The following EEFSEC variants were observed in gnomAD, a reference collection of about 807,000 sequenced individuals.
The protein encoded by EEFSEC is eukaryotic elongation factor, selenocysteine-tRNA specific.
EEFSEC carries 43 observed loss-of-function variants against 42.1 expected under a neutral mutation model. The observed-to-expected ratio is 1.02, with a 90% confidence interval of 0.80 to 1.32. The LOEUF is 1.32. EEFSEC is among the 40% of genes most tolerant of loss of function. The probability of loss-of-function intolerance (pLI) is 0.00; values close to 1 mark genes in which losing one functional copy is unlikely to be tolerated. For synonymous variants in EEFSEC, 354 were observed against 339.1 expected (o/e 1.04, Z -0.48); for missense variants, 745 against 803.6 (o/e 0.93, Z 0.88).
rs114219605 is a variant in EEFSEC at position 128,314,412 on chromosome 3, C to G, written c.787-26821C>G. Among the ~76,000 whole-genome samples the G allele has an allele frequency of 6.6e-3, 998 of 152,282 alleles. 14 individuals are homozygous for G. Among genetic ancestry groups the G allele is most frequent in the African/African-American group, 0.023 (949 of 41,550 alleles). ...AGGCTGGAGTGCCATGGTGGAATCT[C>G]TGCTCACTGCAACCTCCGCCTCCCA... is the stretch of plus-strand genomic sequence containing the variant. On this transcript the variant is annotated intron_variant, in intron 4 of 6. Coordinates refer to ENST00000254730, the MANE Select transcript of EEFSEC (RefSeq NM_021937.5).
chr3:128,421,623 C>T, the EEFSEC span, among the ~76,000 whole-genome samples: 1 of 152,204 alleles, frequency 6.6e-6, no homozygotes, highest in Non-Finnish European at 1.5e-5. Flanking sequence ...CCGAAGGTGA[C>T]CTCTGGACGA....
At chr3:128,285,711 G>A (rs911510432) in intron 4 of EEFSEC, among the ~76,000 whole-genome samples, 2 of 151,816 alleles carry the variant, frequency 1.3e-5, no homozygotes, top group Admixed American at 6.6e-5. Flanking sequence ...AGCTCCCCTC[G>A]CCCACGCTCC....
intron 1 of EEFSEC, among the ~76,000 whole-genome samples, chr3:128,192,433 A>T (rs565614537): frequency 1.2e-4 from 18 of 152,196 alleles, no homozygotes; most frequent in African/African-American, 4.3e-4. Flanking sequence ...TGGGGTTCCG[A>T]GCTGGGCTCT....
At chr3:128,294,686 G>A (rs1395732865) in intron 4 of EEFSEC, among the ~76,000 whole-genome samples, 1 of 152,150 alleles carries the variant, frequency 6.6e-6, no homozygotes, top group Non-Finnish European at 1.5e-5. Flanking sequence ...CTTTCTTGGA[G>A]ACATGGAGGG....
At chr3:128,343,685 C>T (rs1218999650) in intron 5 of EEFSEC, among the ~76,000 whole-genome samples, 2 of 152,198 alleles carry the variant, frequency 1.3e-5, no homozygotes, top group Non-Finnish European at 2.9e-5. Context: ...AACAGCGGTG[C>T]AGCAGTCACT....
chr3:128,334,436 G>A (rs1457522038), intron 4 of EEFSEC, among the ~76,000 whole-genome samples: 1 of 152,228 alleles, frequency 6.6e-6, no homozygotes, highest in African/African-American at 2.4e-5. Context: ...GGCAGGGTGT[G>A]GTTCTGCTCG....
intron 1 of EEFSEC, among the ~76,000 whole-genome samples, chr3:128,239,713 G>C (rs2066050964): frequency 6.6e-6 from 1 of 152,216 alleles, no homozygotes; most frequent in African/African-American, 2.4e-5. Context: ...ACCACTGTCA[G>C]TAGAAAACAG....
intron 4 of EEFSEC, among the ~76,000 whole-genome samples, chr3:128,301,602 A>G (rs1576620957): frequency 6.6e-6 from 1 of 152,316 alleles, no homozygotes; most frequent in East Asian, 1.9e-4. Context: ...TCAGAGACTC[A>G]GAACTGTTCA....
At chr3:128,245,760 A>C (rs1342347015) in intron 1 of EEFSEC, among the ~76,000 whole-genome samples, 1 of 152,176 alleles carries the variant, frequency 6.6e-6, no homozygotes, top group African/African-American at 2.4e-5. Context: ...CCGTTTCTTC[A>C]TCTGAAACAT....
chr3:128,382,501 G>A (rs74924715), intron 6 of EEFSEC, among the ~76,000 whole-genome samples: 1 of 152,080 alleles, frequency 6.6e-6, no homozygotes, highest in Non-Finnish European at 1.5e-5. Context: ...TTTTTGACAG[G>A]GGGGAGGTGA....
At chr3:128,277,714 A>G (rs2066483518) in intron 4 of EEFSEC, among the ~76,000 whole-genome samples, 1 of 152,160 alleles carries the variant, frequency 6.6e-6, no homozygotes, top group African/African-American at 2.4e-5. Flanking sequence ...TGCTGGACTT[A>G]CTGCCTGGCA....
chr3:128,364,520 G>T (rs1459677192), intron 6 of EEFSEC, among the ~76,000 whole-genome samples: 1 of 152,220 alleles, frequency 6.6e-6, no homozygotes, highest in Non-Finnish European at 1.5e-5. Context: ...TCAGGAAAAG[G>T]CCAGGACAGT....
At chr3:128,200,396 C>G (rs377052733) in intron 1 of EEFSEC, among the ~76,000 whole-genome samples, 2 of 152,186 alleles carry the variant, frequency 1.3e-5, no homozygotes, top group East Asian at 3.9e-4. Flanking sequence ...TCAAGTGATT[C>G]TCATGCCTCA....
chr3:128,243,033 A>C (rs562143738), intron 1 of EEFSEC, among the ~76,000 whole-genome samples: 1 of 152,334 alleles, frequency 6.6e-6, no homozygotes, highest in Non-Finnish European at 1.5e-5. Flanking sequence ...CGTCTGATCA[A>C]AAGTTTGATG....
intron 1 of EEFSEC, among the ~76,000 whole-genome samples, chr3:128,176,347 C>A (rs1303850545): frequency 6.6e-6 from 1 of 151,866 alleles, no homozygotes; most frequent in South Asian, 2.1e-4. Flanking sequence ...CTGCGTTGAT[C>A]GGCTGTAAAA....
At chr3:128,230,338 A>G (rs1472234167) in intron 1 of EEFSEC, among the ~76,000 whole-genome samples, 1 of 152,118 alleles carries the variant, frequency 6.6e-6, no homozygotes, top group Non-Finnish European at 1.5e-5. Context: ...TTTGTTTATA[A>G]AGTTGGAGGT....
At chr3:128,332,041 T>C (rs931094378) in intron 4 of EEFSEC, among the ~76,000 whole-genome samples, 1 of 151,986 alleles carries the variant, frequency 6.6e-6, no homozygotes, top group African/African-American at 2.4e-5. Context: ...CACATGTCCA[T>C]TAAGGGTATG....
chr3:128,275,670 T>C (rs1454858399), intron 4 of EEFSEC, among the ~76,000 whole-genome samples: 1 of 152,216 alleles, frequency 6.6e-6, no homozygotes, highest in African/African-American at 2.4e-5. Context: ...CGACTGAAGC[T>C]GAGTCTCAGA....
chr3:128,412,751 T>A (rs2068182691), downstream of EEFSEC, among the ~76,000 whole-genome samples: 1 of 152,194 alleles, frequency 6.6e-6, no homozygotes, highest in Non-Finnish European at 1.5e-5. Flanking sequence ...ATTAGCCTGC[T>A]CAGCCGGCAC....
Sources: allele counts gnomAD v4.1 joint callset (sites outside exome capture counted in the v4.1 genomes callset), GRCh38; gene constraint gnomAD v4.1.1; transcripts MANE v1.5; gene names NCBI Gene and HGNC (gene_info 2026-07-23, HGNC 2026-07-21).